The following KCTD8 variants were observed in gnomAD, a reference collection of about 807,000 sequenced individuals.
KCTD8 encodes BTB/POZ domain-containing protein KCTD8.
KCTD8 carries 27 observed loss-of-function variants against 31.5 expected under a neutral mutation model. That is an observed-to-expected ratio of 0.86 (90% confidence interval 0.63 to 1.18). KCTD8 has a LOEUF of 1.18. Among genes scored for constraint, KCTD8 ranks in the 50% most tolerant of loss-of-function variants. KCTD8 has a pLI of 0.00. For synonymous variants in KCTD8, 290 were observed against 280.0 expected (o/e 1.04, Z -0.36); for missense variants, 658 against 647.7 (o/e 1.02, Z -0.17).
chr4:44,255,222 G>T (rs1715956997), intron 1 of KCTD8, among the ~76,000 whole-genome samples: 1 of 151,762 alleles, frequency 6.6e-6, no homozygotes, highest in African/African-American at 2.4e-5. Context: ...CTCAACTTAA[G>T]CAGAATCTAT....
chr4:44,243,111 G>A (rs569097698), intron 1 of KCTD8, among the ~76,000 whole-genome samples: 1 of 152,260 alleles, frequency 6.6e-6, no homozygotes, highest in African/African-American at 2.4e-5. Context: ...GAAATTGGTT[G>A]AACCATGAAG....
At chr4:44,319,271 A>ATAGGTTTACACAGCCTGAGTAAGAG (rs1371449393) in intron 1 of KCTD8, among the ~76,000 whole-genome samples, 1 of 152,192 alleles carries the variant, frequency 6.6e-6, no homozygotes, top group African/African-American at 2.4e-5. Context: ...AATTTCTATA[A>ATAGGTTTACACAGCCTGAGTAAGAG]TAGGTTTACA....
At chr4:44,194,147 T>C (rs902565837) in intron 1 of KCTD8, among the ~76,000 whole-genome samples, 22 of 152,174 alleles carry the variant, frequency 1.4e-4, no homozygotes, top group African/African-American at 5.3e-4. Context: ...ATGCAGCACA[T>C]GATCCAGAAA....
intron 1 of KCTD8, among the ~76,000 whole-genome samples, chr4:44,204,438 T>C (rs1358674959): frequency 6.6e-6 from 1 of 152,164 alleles, no homozygotes; most frequent in East Asian, 1.9e-4. Flanking sequence ...AGAAAAGCAC[T>C]GTGAAAATCC....
chr4:44,382,143 C>T (rs913513655), intron 1 of KCTD8, among the ~76,000 whole-genome samples: 2 of 151,612 alleles, frequency 1.3e-5, no homozygotes, highest in African/African-American at 4.8e-5. Context: ...ACTACAATAC[C>T]CCACTCTCCA....
At position 44,382,713 on chromosome 4, in the gene KCTD8, G is replaced by A. The variant is rs564049414; in HGVS notation, c.961+64850C>T. ...CCATTGCATACCAGCCTGGGCAACA[G>A]GAGTGAAACTCCATTTCAAAAAAAA... On this transcript the variant is annotated intron_variant, in intron 1 of 1. Transcript: ENST00000360029. 3.3e-3 allele frequency among the ~76,000 whole-genome samples: 486 copies of A among 147,204 alleles called. 2 individuals are homozygous for A. The highest frequency in any genetic ancestry group is 0.011 in the African/African-American group (455 of 40,434).
chr4:44,175,227 G>T lies in KCTD8; in HGVS notation c.985C>A (p.Pro329Thr). The change falls in exon 2 of 2, where the codon CCT (proline) becomes ACT (threonine). Residue 329 changes from proline to threonine, a missense_variant. Physicochemically the swap from Pro to Thr is conservative, Grantham distance 38 (BLOSUM62 -1). Transcript: ENST00000360029. ...FFRPPQKIVSPKQEHEDRKHD... is the reference protein window; with the variant it reads ...FFRPPQKIVSTKQEHEDRKHD... The stretch of plus-strand genomic sequence containing the variant: ...TTCCTATCTTCATGTTCTTGTTTAG[G>T]TGATACTATTTTCTGAGGTGGTCCT... 6.4e-7 allele frequency: 1 copy of T among 1,570,480 alleles called. No individual in the cohort carries two copies. The highest frequency in any genetic ancestry group is 2.3e-5 in the East Asian group (1 of 44,368).
intron 1 of KCTD8, among the ~76,000 whole-genome samples, chr4:44,204,893 G>T (rs73811977): frequency 3.0e-4 from 45 of 151,868 alleles, no homozygotes; most frequent in African/African-American, 1.0e-3. Flanking sequence ...GTTTTATATG[G>T]AATCTGGACA....
In KCTD8 at chr4:44,253,825, G is replaced by T. The variant is rs189069982; in HGVS notation, c.962-78575C>A. ...TTTTTTATTTTGTCAGTAAGTTTTA[G>T]AATTTTTGTTACATAGCAATAAGTA... On this transcript the variant is annotated intron_variant, in intron 1 of 1. Transcript: ENST00000360029. Among the ~76,000 whole-genome samples the T allele has an allele frequency of 2.4e-3, 367 of 151,908 alleles. 2 individuals are homozygous for T. The highest frequency in any genetic ancestry group is 8.4e-3 in the African/African-American group (349 of 41,486).
At chr4:44,294,086 C>T (rs985060025) in intron 1 of KCTD8, among the ~76,000 whole-genome samples, 2 of 151,984 alleles carry the variant, frequency 1.3e-5, no homozygotes, top group Admixed American at 1.3e-4. Context: ...TTGACAATAA[C>T]AAAAGTATAA....
chr4:44,206,081 A>G (rs1423731389), intron 1 of KCTD8, among the ~76,000 whole-genome samples: 5 of 152,114 alleles, frequency 3.3e-5, no homozygotes, highest in Admixed American at 2.6e-4. Context: ...AAGCTTTCTT[A>G]GATTATTTAT....
At chr4:44,308,368 GT>G (rs1216311178) in intron 1 of KCTD8, among the ~76,000 whole-genome samples, 4 of 151,636 alleles carry the variant, frequency 2.6e-5, no homozygotes, top group African/African-American at 9.7e-5. Flanking sequence ...AGTAGAACCT[GT>G]TCCATATTTG....
intron 1 of KCTD8, among the ~76,000 whole-genome samples, chr4:44,272,366 A>G (rs1716638602): frequency 6.6e-6 from 1 of 151,916 alleles, no homozygotes; most frequent in South Asian, 2.1e-4. Flanking sequence ...TCTACTGTAT[A>G]TATTATGGAA....
intron 1 of KCTD8, among the ~76,000 whole-genome samples, chr4:44,223,821 T>C (rs1714874837): frequency 6.6e-6 from 1 of 152,194 alleles, no homozygotes; most frequent in Non-Finnish European, 1.5e-5. Flanking sequence ...CCCATTTTTA[T>C]AAAGTTTTAT....
intron 1 of KCTD8, among the ~76,000 whole-genome samples, chr4:44,235,429 A>C (rs1201321165): frequency 6.8e-6 from 1 of 147,424 alleles, no homozygotes; most frequent in Non-Finnish European, 1.5e-5. Flanking sequence ...ATATACATAC[A>C]TAAACATCTC....
chr4:44,280,705 T>C (rs1359257643), intron 1 of KCTD8, among the ~76,000 whole-genome samples: 1 of 152,006 alleles, frequency 6.6e-6, no homozygotes, highest in East Asian at 1.9e-4. Flanking sequence ...ACTCTAGAAG[T>C]TTCTCTGTAC....
chr4:44,392,098 T>C (rs563392054), intron 1 of KCTD8, among the ~76,000 whole-genome samples: 2 of 152,088 alleles, frequency 1.3e-5, no homozygotes, highest in South Asian at 2.1e-4. Flanking sequence ...TGGCCCTTTT[T>C]GCATTTCTTC....
At chr4:44,308,267 T>A (rs910047054) in intron 1 of KCTD8, among the ~76,000 whole-genome samples, 1 of 151,808 alleles carries the variant, frequency 6.6e-6, no homozygotes, top group African/African-American at 2.4e-5. Context: ...AATCAATCAT[T>A]CAATCAATCA....
intron 1 of KCTD8, among the ~76,000 whole-genome samples, chr4:44,187,812 G>A (rs1035452899): frequency 1.3e-5 from 2 of 152,082 alleles, no homozygotes; most frequent in Admixed American, 6.6e-5. Context: ...ACACTTATGA[G>A]GGCTGTGTAT....
Sources: gnomAD v4.1 joint callset for allele counts (sites outside exome capture counted in the v4.1 genomes callset) on GRCh38, gnomAD v4.1.1 for gene constraint, MANE v1.5 for transcripts, NCBI Gene and HGNC (gene_info 2026-07-23, HGNC 2026-07-21) for gene names.